Variants in GRHL1 observed in about 807,000 individuals in gnomAD.
The protein encoded by GRHL1 is grainyhead like transcription factor 1.
A neutral mutation model predicts 75.7 loss-of-function variants in GRHL1; 38 were observed. The ratio of observed to expected loss-of-function variants is 0.50; its 90% CI spans 0.39 to 0.66. The LOEUF (loss-of-function observed/expected upper bound fraction) is 0.66, where lower values mean the gene tolerates loss of function less well. GRHL1 is among the 30% of genes least tolerant of loss of function. The pLI, the probability that GRHL1 is intolerant of heterozygous loss-of-function variation, is 0.00. For synonymous variants in GRHL1, 266 were observed against 279.4 expected, an observed-to-expected ratio of 0.95 and a Z score of 0.48; for missense variants, 589 against 767.5, an observed-to-expected ratio of 0.77 and a Z score of 2.75.
rs1668983362 is a variant in GRHL1, at chr2:9,998,455, TATACATATATATAC to T, written c.1678-509_1678-496del. Among the ~76,000 whole-genome samples, 11 of 76,102 alleles carry T rather than the reference TATACATATATATAC, an allele frequency of 1.4e-4. 3 individuals carry two copies. Among genetic ancestry groups the T allele is most frequent in the African/African-American group, 1.9e-4 (3 of 15,778 alleles). The allele number at this position is 76,102 out of a possible 152,430, so 49.9% of individuals were successfully genotyped here. ...GTGTGTGTGTGTGTGTGTGTATATA[TATACATATATATAC>T]GTATATATATACATATATATACGTA... is the stretch of plus-strand genomic sequence containing the variant. On this transcript the variant is annotated intron_variant, in intron 14 of 15. Coordinates refer to ENST00000324907, the MANE Select transcript of GRHL1 (RefSeq NM_198182.3).
At chr2:9,997,447 C>G (rs1668914075) in intron 14 of GRHL1, among the ~76,000 whole-genome samples, 1 of 152,126 alleles carries the variant, frequency 6.6e-6, no homozygotes, top group South Asian at 2.1e-4. Context: ...GCGCCGTTCC[C>G]ACTGTCACTT....
intron 12 of GRHL1, among the ~76,000 whole-genome samples, chr2:9,994,068 C>G (rs1668754303): frequency 7.0e-6 from 1 of 142,290 alleles, no homozygotes; most frequent in Non-Finnish European, 1.5e-5. Context: ...GGGGCTGACG[C>G]TACCCCTCTT....
In GRHL1 at chr2:9,999,045, G is replaced by A. The variant is rs141732463; in HGVS notation, c.1742+16G>A. ...GTAAAAAGGGGTAAGCAGCCACTGC[G>A]TCCTGTGTACCTCGGAAAGTGCTGA... On this transcript the variant is annotated intron_variant, in intron 15 of 15. Coordinates refer to ENST00000324907, the MANE Select transcript of GRHL1 (RefSeq NM_198182.3). The A allele has an allele frequency of 4.9e-4, 728 of 1,477,210 alleles. 1 individual carries two copies. The highest frequency in any genetic ancestry group is 6.4e-4 in the Non-Finnish European group (687 of 1,076,696). 91.5% of individuals were successfully genotyped at this position (1,477,210 alleles called of 1,614,324 possible).
chr2:9,974,787 T>A (rs756511904), intron 8 of GRHL1, among the ~76,000 whole-genome samples: 2 of 152,244 alleles, frequency 1.3e-5, no homozygotes, highest in Non-Finnish European at 2.9e-5. Context: ...ATTCATTCAT[T>A]GAGCGAATTG....
intron 15 of GRHL1, 123 bp from the exon 16 acceptor site, chr2:10,000,470 G>A: frequency 3.1e-6 from 2 of 645,374 alleles, no homozygotes. Flanking sequence ...GAGGCTTAAG[G>A]AGATTTAAAT....
chr2:9,955,422 G>A (rs1666972376), intron 2 of GRHL1, among the ~76,000 whole-genome samples: 1 of 152,204 alleles, frequency 6.6e-6, no homozygotes, highest in African/African-American at 2.4e-5. Flanking sequence ...GCCATGGAAA[G>A]TGGGCAGGGG....
At chr2:9,975,441 A>T (rs555727200) in intron 8 of GRHL1, among the ~76,000 whole-genome samples, 2 of 152,296 alleles carry the variant, frequency 1.3e-5, no homozygotes, top group South Asian at 4.2e-4. Flanking sequence ...TAAATACCAT[A>T]ATCTTTTCTG....
rs550422935 is a variant in GRHL1 at position 9,990,450 on chromosome 2, C to T, written c.1270-246C>T. ...ACAGGCATGAGCTACCGCTTCCGGC[C>T]GGAATTTTGCTTTATTTGTTTTTCA... On this transcript the variant is annotated intron_variant, in intron 9 of 15. Coordinates refer to ENST00000324907, the MANE Select transcript of GRHL1 (RefSeq NM_198182.3). This position sits in a 1 kb window ranked among gnomAD's most constrained non-coding sequence, Gnocchi z 4.2. Among the ~76,000 whole-genome samples, 70 of 152,216 alleles carry T rather than the reference C, an allele frequency of 4.6e-4. 2 individuals are homozygous for T. In the South Asian group the frequency reaches 0.014, roughly 31 times the overall value.
intron 2 of GRHL1, among the ~76,000 whole-genome samples, chr2:9,956,328 T>A (rs1667020898): frequency 6.6e-6 from 1 of 152,246 alleles, no homozygotes; most frequent in African/African-American, 2.4e-5. Context: ...AGCAACATGA[T>A]GAGGCCCTGT....
intron 8 of GRHL1, 95 bp downstream of exon 8, chr2:9,965,476 TTA>T (rs1251145577): frequency 7.1e-6 from 5 of 700,762 alleles, no homozygotes; most frequent in Non-Finnish European, 1.3e-5. Flanking sequence ...TTTCACAGTT[TTA>T]TGTGTTTCAT....
At chr2:9,999,292 T>C (rs1669163361) in intron 15 of GRHL1, among the ~76,000 whole-genome samples, 1 of 152,264 alleles carries the variant, frequency 6.6e-6, no homozygotes, top group African/African-American at 2.4e-5. Flanking sequence ...TAGATAAAAT[T>C]GATCTGCCTT....
rs1324348291 is a variant in GRHL1, at chr2:10,002,052, C to T, written c.*1345C>T. 1 of 152,520 alleles carries T rather than the reference C, an allele frequency of 6.6e-6. No individual in the cohort carries two copies. The highest frequency in any genetic ancestry group is 1.5e-5 in the Non-Finnish European group (1 of 68,014). The allele number at this position is 152,520 out of a possible 1,614,324, so 9.4% of individuals were successfully genotyped here. A position where few individuals can be genotyped will look rare whatever the true frequency, so the allele number is the denominator to read the frequency against. ...GTATCTTTAGGTTCAGGGAACTAGACTAGGTCATTCGTGTAAATGGACTGG... is the reference window on the plus strand; with the variant it reads ...GTATCTTTAGGTTCAGGGAACTAGATTAGGTCATTCGTGTAAATGGACTGG... On this transcript the variant is annotated 3_prime_UTR_variant, in exon 16 of 16. Coordinates refer to ENST00000324907, the MANE Select transcript of GRHL1 (RefSeq NM_198182.3).
rs554169225 is a variant in GRHL1, at chr2:9,956,636, G to T, written c.207+1535G>T. ...TTTCTTTGAATATGAGCAGAAACTTGTGTAATAACTAATGATGCTAGAAGA... is the reference window on the plus strand; with the variant it reads ...TTTCTTTGAATATGAGCAGAAACTTTTGTAATAACTAATGATGCTAGAAGA... On this transcript the variant is annotated intron_variant, in intron 2 of 15. Coordinates refer to ENST00000324907, the MANE Select transcript of GRHL1 (RefSeq NM_198182.3). Among the ~76,000 whole-genome samples the T allele has an allele frequency of 2.6e-5, 4 of 152,324 alleles. No homozygotes were observed. In the South Asian group the frequency reaches 8.3e-4, roughly 32 times the overall value.
chr2:9,980,897 A>G (rs1668169726), intron 8 of GRHL1, among the ~76,000 whole-genome samples: 5 of 152,140 alleles, frequency 3.3e-5, no homozygotes, highest in Admixed American at 2.6e-4. Flanking sequence ...CATCCTCTGT[A>G]AAGATAGTGG....
At chr2:9,964,721 T>C (rs920678299) in intron 7 of GRHL1, 2 of 182,742 alleles carry the variant, frequency 1.1e-5, no homozygotes, top group African/African-American at 2.4e-5. Flanking sequence ...AAAAGAAAGA[T>C]ATTGCTGCTG....
At chr2:9,970,004 G>A (rs1369820352) in intron 8 of GRHL1, among the ~76,000 whole-genome samples, 4 of 151,978 alleles carry the variant, frequency 2.6e-5, no homozygotes, top group Admixed American at 6.6e-5. Context: ...CACCATGCCC[G>A]GCTAATTTTT....
At chr2:9,972,010 G>A (rs1242565637) in intron 8 of GRHL1, among the ~76,000 whole-genome samples, 8 of 152,212 alleles carry the variant, frequency 5.3e-5, no homozygotes, top group African/African-American at 1.9e-4. Context: ...TAACAGAAGC[G>A]TACATTTGTC....
chr2:9,971,239 A>G (rs1474188645), intron 8 of GRHL1, among the ~76,000 whole-genome samples: 1 of 152,204 alleles, frequency 6.6e-6, no homozygotes, highest in East Asian at 1.9e-4. Context: ...GTCTGCCATT[A>G]AAATAAGGTG....
chr2:9,965,101 C>A, intron 7 of GRHL1, 186 bp from the exon 8 acceptor site: 1 of 521,190 alleles, frequency 1.9e-6, no homozygotes, highest in East Asian at 2.9e-5. Context: ...CTAAGCTTGC[C>A]TCTATTACAA....
Sources: gnomAD v4.1 joint callset for allele counts (sites outside exome capture counted in the v4.1 genomes callset) on GRCh38, gnomAD v4.1.1 for gene constraint, Gnocchi (gnomAD v3.1) non-coding constraint, MANE v1.5 for transcripts, NCBI Gene and HGNC (gene_info 2026-07-23, HGNC 2026-07-21) for gene names.